The following PDE12 variants were observed in gnomAD, a reference collection of about 807,000 sequenced individuals.
The protein encoded by PDE12 is phosphodiesterase 12.
A neutral mutation model predicts 45.4 loss-of-function variants in PDE12; 26 were observed. The ratio of observed to expected loss-of-function variants is 0.57; its 90% CI spans 0.42 to 0.79. The LOEUF is 0.79. Ranked by LOEUF, PDE12 falls within the 30% of genes least tolerant of loss-of-function variation. PDE12 has a pLI of 0.00. For synonymous variants in PDE12, 283 were observed against 323.9 expected (o/e 0.87, Z 1.36); for missense variants, 668 against 790.0 (o/e 0.85, Z 1.85).
chr3:57,570,936 C>T (rs2069835311), downstream of PDE12, among the ~76,000 whole-genome samples: 1 of 152,084 alleles, frequency 6.6e-6, no homozygotes, highest in Admixed American at 6.6e-5. Flanking sequence ...TTTACTCTCC[C>T]TACCCCACTC....
the PDE12 span, chr3:57,572,368 TAATC>T: frequency 8.6e-7 from 1 of 1,169,084 alleles, no homozygotes; most frequent in Non-Finnish European, 1.3e-6. Context: ...TAAACTTTCT[TAATC>T]AAACTTAAGA....
the PDE12 span, among the ~76,000 whole-genome samples, chr3:57,650,455 C>T: frequency 2.0e-5 from 3 of 147,658 alleles, no homozygotes; most frequent in Admixed American, 6.9e-5. Context: ...CATACATACA[C>T]ACACACACAT....
At chr3:57,626,876 A>G in the PDE12 span, 1 of 152,616 alleles carries the variant, frequency 6.6e-6, no homozygotes, top group Non-Finnish European at 1.5e-5. Context: ...GACTCAGGCG[A>G]AAGTTCCCAT....
chr3:57,638,557 CTAAGGCAGGAGAATTGCTTGA>C, the PDE12 span, among the ~76,000 whole-genome samples: 5 of 152,108 alleles, frequency 3.3e-5, no homozygotes, highest in African/African-American at 1.2e-4. Flanking sequence ...ACTCGGGGAG[CTAAGGCAGGAGAATTGCTTGA>C]ACCCGGGAGG....
chr3:57,559,444 G>A, intron 2 of PDE12, 56 bp downstream of exon 2: 2 of 1,539,298 alleles, frequency 1.3e-6, no homozygotes, highest in Non-Finnish European at 8.9e-7. Flanking sequence ...TGTTTAAAGT[G>A]TTTTACACAA....
rs2069721894 is a variant in PDE12, at chr3:57,560,869, T to G, written c.*865T>G. 1 of 985,264 alleles carries G rather than the reference T, an allele frequency of 1.0e-6. No homozygotes were observed. The highest frequency in any genetic ancestry group is 1.2e-6 in the Non-Finnish European group (1 of 829,552). 61.0% of individuals were successfully genotyped at this position (985,264 alleles called of 1,614,324 possible). On this transcript the variant is annotated 3_prime_UTR_variant, in exon 3 of 3. Coordinates refer to ENST00000311180, the MANE Select transcript of PDE12 (RefSeq NM_177966.7). ...ACATTAGGGTCTACCTCTACCTCAATTTAGTTAGCGATTTACTACAATTTC... is the reference window on the plus strand; with the variant it reads ...ACATTAGGGTCTACCTCTACCTCAAGTTAGTTAGCGATTTACTACAATTTC...
the PDE12 span, chr3:57,654,533 T>C: frequency 6.9e-6 from 5 of 725,524 alleles, no homozygotes; most frequent in East Asian, 1.3e-4. Context: ...ATAACTGATG[T>C]GTCTCTCATT....
At chr3:57,583,938 C>G in the PDE12 span, 1 of 1,611,384 alleles carries the variant, frequency 6.2e-7, no homozygotes, top group Non-Finnish European at 8.5e-7. Context: ...AGGCCTAATT[C>G]TATCTTGACC....
the PDE12 span, among the ~76,000 whole-genome samples, chr3:57,648,520 A>G: frequency 6.6e-6 from 1 of 152,200 alleles, no homozygotes; most frequent in African/African-American, 2.4e-5. Context: ...AAACAATCCT[A>G]AAATTCATAT....
chr3:57,609,092 C>T, the PDE12 span, among the ~76,000 whole-genome samples: 3 of 152,116 alleles, frequency 2.0e-5, no homozygotes, highest in East Asian at 1.9e-4. Flanking sequence ...CACTCAAAAC[C>T]GCTCAACTAC....
chr3:57,628,377 T>TA, the PDE12 span: 16 of 1,606,162 alleles, frequency 1.0e-5, no homozygotes, highest in African/African-American at 1.3e-5. Context: ...ACATTTAAAT[T>TA]ATCCTCAGAA....
At chr3:57,642,448 T>G in the PDE12 span, among the ~76,000 whole-genome samples, 14 of 151,200 alleles carry the variant, frequency 9.3e-5, no homozygotes, top group African/African-American at 3.4e-4. Flanking sequence ...TTTTGCCAAG[T>G]GGATGAGAGA....
chr3:57,586,038 A>C, the PDE12 span, among the ~76,000 whole-genome samples: 1 of 152,134 alleles, frequency 6.6e-6, no homozygotes, highest in Admixed American at 6.6e-5. Flanking sequence ...AAAAATCCAC[A>C]CTAGAACAAG....
rs1443559511 is a variant in PDE12 at position 57,562,930 on chromosome 3, G to C, written c.*2926G>C. 1 of 152,160 alleles carries C rather than the reference G, an allele frequency of 6.6e-6. No homozygotes were observed. The highest frequency in any genetic ancestry group is 1.5e-5 in the Non-Finnish European group (1 of 68,040). The allele number at this position is 152,160 out of a possible 1,614,324, so 9.4% of individuals were successfully genotyped here. A position where few individuals can be genotyped will look rare whatever the true frequency, so the allele number is the denominator to read the frequency against. On this transcript the variant is annotated 3_prime_UTR_variant, in exon 3 of 3. Coordinates refer to ENST00000311180, the MANE Select transcript of PDE12 (RefSeq NM_177966.7). ...ATCTCATCAGAATGTGCTGGTTTCA[G>C]TCTGGAGATAGATTTCTGAGGAGCC...
intron 1 of PDE12, 75 bp from the exon 2 acceptor site, chr3:57,559,235 A>G: frequency 8.2e-7 from 1 of 1,224,674 alleles, no homozygotes; most frequent in Non-Finnish European, 1.2e-6. Context: ...ACTCAAAAAA[A>G]CAAACAAACA....
chr3:57,637,127 C>T, the PDE12 span, among the ~76,000 whole-genome samples: 1 of 152,122 alleles, frequency 6.6e-6, no homozygotes, highest in Admixed American at 6.5e-5. Flanking sequence ...CAAATTATCA[C>T]ATTTAATCTT....
chr3:57,635,200 GGTTTTGTTTT>G, the PDE12 span, among the ~76,000 whole-genome samples: 43 of 151,460 alleles, frequency 2.8e-4, no homozygotes, highest in East Asian at 9.7e-4. Context: ...GGGTTTGTGG[GGTTTTGTTTT>G]GTTTTGTTTT....
the PDE12 span, among the ~76,000 whole-genome samples, chr3:57,631,541 T>C: frequency 6.6e-6 from 1 of 152,024 alleles, no homozygotes; most frequent in Non-Finnish European, 1.5e-5. Flanking sequence ...TGAGCAACTA[T>C]AGGCCAGATA....
At chr3:57,585,045 G>A in the PDE12 span, among the ~76,000 whole-genome samples, 1 of 151,994 alleles carries the variant, frequency 6.6e-6, no homozygotes, top group African/African-American at 2.4e-5. Context: ...TGTATTTTTA[G>A]TAGAGACGGG....
Sources: allele counts gnomAD v4.1 joint callset (sites outside exome capture counted in the v4.1 genomes callset), GRCh38; gene constraint gnomAD v4.1.1; transcripts MANE v1.5; gene names NCBI Gene and HGNC (gene_info 2026-07-23, HGNC 2026-07-21).